The following PINX1 variants were observed in gnomAD, a reference collection of about 807,000 sequenced individuals.
The protein encoded by PINX1 is PIN2/TERF1-interacting telomerase inhibitor 1.
PINX1 carries 34 observed loss-of-function variants against 25.4 expected under a neutral mutation model. The observed-to-expected ratio is 1.34, with a 90% CI of 1.02 to 1.78. PINX1 has a LOEUF of 1.78. Ranked by LOEUF, PINX1 falls within the 40% of genes most tolerant of loss-of-function variation. The pLI is 0.00. For synonymous variants in PINX1, 197 were observed against 147.7 expected, an observed-to-expected ratio of 1.33 and a Z score of -2.42; for missense variants, 592 against 404.9, an observed-to-expected ratio of 1.46 and a Z score of -3.97.
intron 6 of PINX1, among the ~76,000 whole-genome samples, chr8:10,794,688 A>T (rs1004087535): frequency 5.9e-5 from 9 of 152,166 alleles, no homozygotes; most frequent in Non-Finnish European, 2.9e-5. Flanking sequence ...GAGGCTTCCC[A>T]AAGTGCTGGG....
chr8:10,835,550 C>A (rs1798379477), intron 1 of PINX1, among the ~76,000 whole-genome samples: 1 of 152,226 alleles, frequency 6.6e-6, no homozygotes, highest in Non-Finnish European at 1.5e-5. Flanking sequence ...TCTGACCCCT[C>A]TTTGAACTTC....
chr8:10,769,725 G>C (rs1403197970), intron 6 of PINX1, among the ~76,000 whole-genome samples: 1 of 152,190 alleles, frequency 6.6e-6, no homozygotes, highest in African/African-American at 2.4e-5. Flanking sequence ...ATCCGCAGAA[G>C]GTCTCACAGC....
chr8:10,766,001 TCACACCTGGCACC>T lies in PINX1; in HGVS notation c.472-98_472-86del. The stretch of plus-strand genomic sequence containing the variant: ...CCCAGGAGGCACCCACACCCGGCGC[TCACACCTGGCACC>T]CACACCCGGCGCTCACACCCGGCAC... On this transcript the variant is annotated intron_variant, in intron 6 of 6. Transcript: ENST00000314787. The T allele has an allele frequency of 4.4e-6, 6 of 1,352,456 alleles. 1 individual carries two copies. Among genetic ancestry groups the T allele is most frequent in the East Asian group, 4.6e-5 (2 of 43,626 alleles). 83.8% of individuals were successfully genotyped at this position (1,352,456 alleles called of 1,614,324 possible).
intron 6 of PINX1, among the ~76,000 whole-genome samples, chr8:10,767,087 C>T (rs1304150434): frequency 6.9e-6 from 1 of 144,574 alleles, no homozygotes; most frequent in Non-Finnish European, 1.5e-5. Flanking sequence ...TCATTTATCT[C>T]ACAAGAAGAG....
intron 6 of PINX1, among the ~76,000 whole-genome samples, chr8:10,811,393 G>C (rs987810363): frequency 6.6e-6 from 1 of 152,128 alleles, no homozygotes; most frequent in Non-Finnish European, 1.5e-5. Context: ...GGTTCTACCA[G>C]GTATATATAT....
At chr8:10,768,465 G>C (rs986994610) in intron 6 of PINX1, among the ~76,000 whole-genome samples, 1 of 152,206 alleles carries the variant, frequency 6.6e-6, no homozygotes, top group African/African-American at 2.4e-5. Flanking sequence ...CAGAAAGTAA[G>C]TATGCTCATA....
Position 10,794,230 on chromosome 8 carries a change from C to T in PINX1, c.471+25963G>A, listed in dbSNP as rs139677847. On this transcript the variant is annotated intron_variant, in intron 6 of 6. Transcript: ENST00000314787. ...ATGCTCAATCACTGGTAATCTATCA[C>T]GATTAAAATTTTAAATTACAATTTT... Among the ~76,000 whole-genome samples, 183 of 151,962 alleles carry T rather than the reference C, an allele frequency of 1.2e-3. 1 individual carries two copies. The highest frequency in any genetic ancestry group is 4.1e-3 in the African/African-American group (169 of 41,446).
At chr8:10,822,134 A>C (rs1246265718) in intron 5 of PINX1, 1 of 152,232 alleles carries the variant, frequency 6.6e-6, no homozygotes, top group Non-Finnish European at 1.5e-5. Flanking sequence ...TCTGGAAAAC[A>C]AGAACACAGA....
chr8:10,817,374 G>C (rs996665725), intron 6 of PINX1, among the ~76,000 whole-genome samples: 1 of 152,180 alleles, frequency 6.6e-6, no homozygotes, highest in Non-Finnish European at 1.5e-5. Context: ...AAACAAATCT[G>C]ATCAAAGTCC....
intron 6 of PINX1, among the ~76,000 whole-genome samples, chr8:10,795,804 T>C (rs555534945): frequency 6.6e-5 from 10 of 152,280 alleles, no homozygotes; most frequent in African/African-American, 2.4e-4. Context: ...AAAATCTCTG[T>C]TACGGAATGC....
intron 3 of PINX1, among the ~76,000 whole-genome samples, chr8:10,832,583 A>G (rs150687228): frequency 1.3e-5 from 2 of 152,364 alleles, no homozygotes; most frequent in African/African-American, 4.8e-5. Flanking sequence ...AACCAAAGTA[A>G]TTCAATTTAC....
intron 6 of PINX1, among the ~76,000 whole-genome samples, chr8:10,809,884 T>C (rs1455304740): frequency 6.6e-6 from 1 of 152,214 alleles, no homozygotes; most frequent in Non-Finnish European, 1.5e-5. Flanking sequence ...CTGGGTAATT[T>C]ATAAAGTAAA....
At chr8:10,838,995 T>C (rs1239133494) in intron 1 of PINX1, among the ~76,000 whole-genome samples, 1 of 152,194 alleles carries the variant, frequency 6.6e-6, no homozygotes, top group African/African-American at 2.4e-5. Flanking sequence ...GTTTCTGTTC[T>C]TTGCTCACTG....
intron 6 of PINX1, among the ~76,000 whole-genome samples, chr8:10,811,144 C>T (rs1340338514): frequency 6.6e-6 from 1 of 152,228 alleles, no homozygotes; most frequent in Non-Finnish European, 1.5e-5. Context: ...ATTTAATCCT[C>T]CCTGGATCTT....
chr8:10,788,761 GAGGAAGCCAACCAAGGCAGAA>G (rs1182348924), intron 6 of PINX1, among the ~76,000 whole-genome samples: 1 of 152,154 alleles, frequency 6.6e-6, no homozygotes, highest in African/African-American at 2.4e-5. Context: ...ACAAGGCTGA[GAGGAAGCCAACCAAGGCAGAA>G]AGGTGACCCC....
At chr8:10,816,915 A>G (rs1797715629) in intron 6 of PINX1, among the ~76,000 whole-genome samples, 1 of 152,206 alleles carries the variant, frequency 6.6e-6, no homozygotes, top group Admixed American at 6.5e-5. Flanking sequence ...GCTACAGAGG[A>G]GATACTGATA....
intron 6 of PINX1, among the ~76,000 whole-genome samples, chr8:10,786,547 G>C (rs1195329155): frequency 6.6e-6 from 1 of 152,162 alleles, no homozygotes; most frequent in Non-Finnish European, 1.5e-5. Context: ...GCCTACTTTA[G>C]GAAAATTAAG....
At chr8:10,832,362 C>A (rs1015120058) in intron 3 of PINX1, among the ~76,000 whole-genome samples, 2 of 152,208 alleles carry the variant, frequency 1.3e-5, no homozygotes, top group African/African-American at 4.8e-5. Flanking sequence ...GTGTACGAAT[C>A]TGCCTTACTC....
At chr8:10,826,917 C>T (rs1798069382) in intron 4 of PINX1, among the ~76,000 whole-genome samples, 1 of 152,196 alleles carries the variant, frequency 6.6e-6, no homozygotes, top group African/African-American at 2.4e-5. Context: ...GTATCTTCAC[C>T]ATTGTGGTTG....
Sources: gnomAD v4.1 joint callset for allele counts (sites outside exome capture counted in the v4.1 genomes callset) on GRCh38, gnomAD v4.1.1 for gene constraint, MANE v1.5 for transcripts, NCBI Gene and HGNC (gene_info 2026-07-23, HGNC 2026-07-21) for gene names.